HSPA4: variants seen among roughly 807,000 people sequenced by gnomAD.
HSPA4 encodes the protein heat shock protein family A (Hsp70) member 4.
In HSPA4, 25 loss-of-function variants were observed where a neutral mutation model predicts 106.2. The ratio of observed to expected loss-of-function variants is 0.24; its 90% CI spans 0.17 to 0.33. HSPA4 has a LOEUF of 0.33. Ranked by LOEUF, HSPA4 falls within the 10% of genes least tolerant of loss-of-function variation. The pLI, the probability that HSPA4 is intolerant of heterozygous loss-of-function variation, is 1.00. For synonymous variants in HSPA4, 332 were observed against 333.6 expected (o/e 1.00, Z 0.05); for missense variants, 841 against 996.0 (o/e 0.84, Z 2.10).
At chr5:133,074,207 C>T (rs1163513779) in intron 6 of HSPA4, 81 bp downstream of exon 6, 2 of 897,684 alleles carry the variant, frequency 2.2e-6, no homozygotes, top group Non-Finnish European at 3.4e-6. Flanking sequence ...TTTTTCTCAT[C>T]TACAATATGG....
chr5:133,078,159 C>T (rs549502093), intron 7 of HSPA4, among the ~76,000 whole-genome samples: 3 of 151,426 alleles, frequency 2.0e-5, no homozygotes, highest in South Asian at 2.1e-4. Context: ...GGTGAAACCC[C>T]GTCTCTACTA....
At chr5:133,058,457 C>T (rs183018222) in intron 1 of HSPA4, among the ~76,000 whole-genome samples, 17 of 152,222 alleles carry the variant, frequency 1.1e-4, no homozygotes, top group African/African-American at 2.9e-4. Context: ...GTGGGCGGGT[C>T]GCCTGAAGTC....
intron 7 of HSPA4, among the ~76,000 whole-genome samples, chr5:133,083,654 C>T (rs1265595454): frequency 2.0e-5 from 3 of 152,062 alleles, no homozygotes; most frequent in Non-Finnish European, 4.4e-5. Flanking sequence ...TCTCCTGCCT[C>T]AGCTTCCCAA....
chr5:133,055,275 G>A (rs1393804060), intron 1 of HSPA4, among the ~76,000 whole-genome samples: 1 of 144,886 alleles, frequency 6.9e-6, no homozygotes, highest in African/African-American at 2.6e-5. Context: ...TTGGAGTCTT[G>A]GGCTAAATAG....
At chr5:133,092,244 C>T (rs538974882) in intron 12 of HSPA4, among the ~76,000 whole-genome samples, 68 of 152,252 alleles carry the variant, frequency 4.5e-4, no homozygotes, top group African/African-American at 1.6e-3. Context: ...TTAACGTGTT[C>T]GCCTCCCCGA....
intron 6 of HSPA4, 145 bp downstream of exon 6, chr5:133,074,271 TC>T: frequency 2.1e-6 from 1 of 468,600 alleles, no homozygotes; most frequent in Non-Finnish European, 3.6e-6. Flanking sequence ...TTCTTTTCTT[TC>T]TTTTTTTTCT....
Position 133,052,556 on chromosome 5 carries a change from C to T in HSPA4, c.107+199C>T, listed in dbSNP as rs183916611. The stretch of plus-strand genomic sequence containing the variant: ...ACTATGAGCGTGGGTGTGTGCTAAG[C>T]GCGAGGGCCTTTTCCCCGGTGGCCC... On this transcript the variant is annotated intron_variant, in intron 1 of 18. Transcript: ENST00000304858. 3.8e-3 allele frequency among the ~76,000 whole-genome samples: 581 copies of T among 152,318 alleles called. 2 individuals carry two copies. The highest frequency in any genetic ancestry group is 0.01 in the Admixed American group (158 of 15,302).
Position 133,089,553 on chromosome 5 carries a change from T to C in HSPA4, c.1245-9T>C. On this transcript the variant is annotated splice_polypyrimidine_tract_variant and intron_variant, in intron 10 of 18. Transcript: ENST00000304858. ...TGAATTTGTGTTTTTGTCTTTTTCC[T>C]CCATTCAGTGACTGTGAAGTCTTTT... 1 of 1,611,974 alleles carries C rather than the reference T, an allele frequency of 6.2e-7. No individual in the cohort carries two copies. Among genetic ancestry groups the C allele is most frequent in the Non-Finnish European group, 8.5e-7 (1 of 1,178,880 alleles).
chr5:133,096,000 G>T, intron 13 of HSPA4, 98 bp from the exon 14 acceptor site: 2 of 966,388 alleles, frequency 2.1e-6, no homozygotes, highest in Non-Finnish European at 3.0e-6. Flanking sequence ...AAAAGAGAAC[G>T]AAGTAAAAAA....
chr5:133,061,948 A>T (rs1229272405), intron 1 of HSPA4, among the ~76,000 whole-genome samples: 1 of 152,024 alleles, frequency 6.6e-6, no homozygotes, highest in Non-Finnish European at 1.5e-5. Context: ...ATTACTTTTT[A>T]TTTGGGGGCT....
At position 133,067,434 on chromosome 5, in the gene HSPA4, G is replaced by A; in HGVS notation, c.183G>A (p.Lys61=). ...TCTCTTAGGTAATTTCTAATGCAAAGAACACAGTCCAAGGATTTAAAAGAT... is the reference window on the plus strand; with the variant it reads ...TCTCTTAGGTAATTTCTAATGCAAAAAACACAGTCCAAGGATTTAAAAGAT... ...AAKSQVISNA[K]NTVQGFKRFH... Residue 61 remains lysine, a synonymous_variant, in exon 3 of 19, where the codon AAG becomes AAA. Coordinates refer to ENST00000304858, the MANE Select transcript of HSPA4 (RefSeq NM_002154.4). 1.2e-6 allele frequency: 2 copies of A among 1,612,730 alleles called. No homozygotes were observed. The highest frequency in any genetic ancestry group is 1.1e-5 in the South Asian group (1 of 90,678).
At chr5:133,101,610 A>G in intron 16 of HSPA4, 149 bp from the exon 17 acceptor site, 1 of 667,644 alleles carries the variant, frequency 1.5e-6, no homozygotes, top group Non-Finnish European at 2.5e-6. Flanking sequence ...CTCCTGAAGT[A>G]GCTTCATATT....
intron 1 of HSPA4, among the ~76,000 whole-genome samples, chr5:133,060,846 G>T (rs1290556662): frequency 5.7e-5 from 8 of 140,222 alleles, no homozygotes; most frequent in South Asian, 2.2e-4. Flanking sequence ...TTGAGACAAG[G>T]TCTCGCTCTG....
At chr5:133,088,876 A>G (rs1765611074) in intron 9 of HSPA4, among the ~76,000 whole-genome samples, 179 bp from the exon 10 acceptor site, 1 of 152,232 alleles carries the variant, frequency 6.6e-6, no homozygotes, top group South Asian at 2.1e-4. Flanking sequence ...GAATAGCTAG[A>G]TTATATAGGT....
At chr5:133,053,939 C>T (rs1487347832) in intron 1 of HSPA4, among the ~76,000 whole-genome samples, 1 of 151,532 alleles carries the variant, frequency 6.6e-6, no homozygotes, top group African/African-American at 2.4e-5. Context: ...GGATTACAGG[C>T]GTGAGTCACG....
At chr5:133,102,012 C>T (rs1444940001) in intron 17 of HSPA4, 134 bp downstream of exon 17, 2 of 566,554 alleles carry the variant, frequency 3.5e-6, no homozygotes, top group Non-Finnish European at 5.9e-6. Flanking sequence ...GTGCAACCTC[C>T]ACCTCCTGGG....
chr5:133,061,021 G>A (rs1449644491), intron 1 of HSPA4, among the ~76,000 whole-genome samples: 1 of 151,518 alleles, frequency 6.6e-6, no homozygotes, highest in East Asian at 1.9e-4. Context: ...GAAGACCTCA[G>A]ATTTTACATT....
intron 1 of HSPA4, among the ~76,000 whole-genome samples, chr5:133,058,814 G>A (rs915165189): frequency 6.6e-6 from 1 of 151,768 alleles, no homozygotes; most frequent in African/African-American, 2.4e-5. Context: ...ACAACATGGC[G>A]AAACCCCATC....
chr5:133,067,639 T>A, intron 3 of HSPA4, 82 bp downstream of exon 3: 1 of 1,202,118 alleles, frequency 8.3e-7, no homozygotes, highest in Non-Finnish European at 1.2e-6. Flanking sequence ...ACTTTTCTGA[T>A]GTCAGATTGC....
Sources: allele counts gnomAD v4.1 joint callset (sites outside exome capture counted in the v4.1 genomes callset), GRCh38; gene constraint gnomAD v4.1.1; transcripts MANE v1.5; gene names NCBI Gene and HGNC (gene_info 2026-07-23, HGNC 2026-07-21).